The following PTPRD variants were observed in gnomAD, a reference collection of about 807,000 sequenced individuals.
The protein encoded by PTPRD is receptor-type tyrosine-protein phosphatase delta.
Under a neutral mutation model 214.5 loss-of-function variants are expected in PTPRD, and 34 were observed. That is an observed-to-expected ratio of 0.16 (90% confidence interval 0.12 to 0.21). PTPRD has a LOEUF of 0.21. Ranked by LOEUF, PTPRD falls within the 10% of genes least tolerant of loss-of-function variation. The pLI is 1.00. For synonymous variants in PTPRD, 1,128 were observed against 845.7 expected (o/e 1.33, Z -5.79); for missense variants, 2,545 against 2,398.7 (o/e 1.06, Z -1.27).
chr9:8,964,425 G>C (rs1390559700), intron 11 of PTPRD, among the ~76,000 whole-genome samples: 1 of 151,200 alleles, frequency 6.6e-6, no homozygotes, highest in Non-Finnish European at 1.5e-5. Context: ...GTTTCTGATT[G>C]TGCTTATTTA....
chr9:9,585,987 G>A (rs910882488), intron 7 of PTPRD, among the ~76,000 whole-genome samples: 2 of 152,002 alleles, frequency 1.3e-5, no homozygotes, highest in African/African-American at 4.8e-5. Context: ...GGTTAGTTCC[G>A]AGTTGGAAGC....
At chr9:10,424,591 G>A (rs1213079211) in intron 2 of PTPRD, among the ~76,000 whole-genome samples, 3 of 151,832 alleles carry the variant, frequency 2.0e-5, no homozygotes, top group South Asian at 2.1e-4. Flanking sequence ...CCTGTCTTAC[G>A]AAGGGCAAGT....
intron 3 of PTPRD, among the ~76,000 whole-genome samples, chr9:10,274,456 A>T (rs994786556): frequency 6.6e-6 from 1 of 152,170 alleles, no homozygotes; most frequent in Non-Finnish European, 1.5e-5. Flanking sequence ...AGTGCATATA[A>T]ATTCTTCGAG....
intron 26 of PTPRD, among the ~76,000 whole-genome samples, chr9:8,496,138 TA>T (rs2136513801): frequency 6.6e-6 from 1 of 150,906 alleles, no homozygotes; most frequent in Admixed American, 6.6e-5. Context: ...TGATCAACTT[TA>T]AAAAATATGT....
At chr9:10,040,211 C>T (rs956963655) in intron 3 of PTPRD, among the ~76,000 whole-genome samples, 2 of 151,966 alleles carry the variant, frequency 1.3e-5, no homozygotes, top group African/African-American at 4.8e-5. Context: ...AATGAATGTG[C>T]TGTTGACCAG....
At chr9:10,247,783 T>C (rs781661803) in intron 3 of PTPRD, among the ~76,000 whole-genome samples, 1 of 152,002 alleles carries the variant, frequency 6.6e-6, no homozygotes, top group Non-Finnish European at 1.5e-5. Flanking sequence ...ATGTCCCTGA[T>C]GGTAGAGAAA....
intron 11 of PTPRD, among the ~76,000 whole-genome samples, chr9:8,972,591 T>C (rs1328976268): frequency 6.6e-6 from 1 of 151,902 alleles, no homozygotes; most frequent in Non-Finnish European, 1.5e-5. Flanking sequence ...GAATATTTAT[T>C]GAGGACTGTT....
chr9:9,977,667 C>G (rs956529430), intron 4 of PTPRD, among the ~76,000 whole-genome samples: 3 of 151,968 alleles, frequency 2.0e-5, no homozygotes, highest in Non-Finnish European at 2.9e-5. Context: ...CATATCAATT[C>G]GCGTTTGATG....
chr9:9,810,221 G>A (rs751633825), intron 5 of PTPRD, among the ~76,000 whole-genome samples: 6 of 149,878 alleles, frequency 4.0e-5, no homozygotes, highest in Non-Finnish European at 7.4e-5. Context: ...TTTATTGTAA[G>A]AATATATACT....
intron 5 of PTPRD, among the ~76,000 whole-genome samples, chr9:9,768,547 C>A (rs10816177): frequency 0.049 from 7,519 of 152,018 alleles, 598 homozygotes; most frequent in East Asian, 0.37. Context: ...AATTTTACAT[C>A]AGAGAAATCA....
intron 12 of PTPRD, among the ~76,000 whole-genome samples, chr9:8,661,582 T>G (rs1447061799): frequency 6.6e-6 from 1 of 152,150 alleles, no homozygotes; most frequent in African/African-American, 2.4e-5. Context: ...TTTACAACAC[T>G]TGTTCCTTTT....
chr9:9,180,121 C>G (rs1246981598), intron 10 of PTPRD, among the ~76,000 whole-genome samples: 1 of 151,740 alleles, frequency 6.6e-6, no homozygotes, highest in Admixed American at 6.6e-5. Context: ...GATTAAAAAT[C>G]ATGCTGCTAT....
chr9:8,773,091 T>C (rs976919951), intron 11 of PTPRD, among the ~76,000 whole-genome samples: 3 of 152,112 alleles, frequency 2.0e-5, no homozygotes, highest in African/African-American at 7.2e-5. Flanking sequence ...CTTTCCTCTC[T>C]GGTGGGAGCA....
At position 8,934,431 on chromosome 9, in the gene PTPRD, A is replaced by ATATT. The variant is rs2098976488; in HGVS notation, c.-104+84265_-104+84266insAATA. ...TGTGTGTGTGTGTGTGTATATATAT[A>ATATT]TATAAATATATATATAAATTTATAT... is the stretch of plus-strand genomic sequence containing the variant. On this transcript the variant is annotated intron_variant, in intron 11 of 45. Transcript: ENST00000381196. 8.6e-5 allele frequency among the ~76,000 whole-genome samples: 4 copies of ATATT among 46,306 alleles called. 1 individual carries two copies. Among genetic ancestry groups the ATATT allele is most frequent in the Admixed American group, 6.2e-4 (2 of 3,236 alleles). 30.4% of individuals were successfully genotyped at this position (46,306 alleles called of 152,430 possible). A position where few individuals can be genotyped will look rare whatever the true frequency, so the allele number is the denominator to read the frequency against.
chr9:9,391,445 C>T (rs949418670), intron 9 of PTPRD, among the ~76,000 whole-genome samples: 2 of 152,080 alleles, frequency 1.3e-5, no homozygotes, highest in African/African-American at 4.8e-5. Context: ...CATGACATTA[C>T]CTTAAATTAG....
chr9:9,762,383 G>C (rs537193167), intron 6 of PTPRD, among the ~76,000 whole-genome samples: 1 of 152,108 alleles, frequency 6.6e-6, no homozygotes, highest in Non-Finnish European at 1.5e-5. Flanking sequence ...TTCAGAGTAC[G>C]CTTGCTTTTT....
chr9:9,820,196 G>A (rs533850825), intron 5 of PTPRD, among the ~76,000 whole-genome samples: 1 of 152,132 alleles, frequency 6.6e-6, no homozygotes, highest in African/African-American at 2.4e-5. Flanking sequence ...GGTGCATACG[G>A]TATCTCATTA....
At chr9:9,634,802 G>C (rs1055335621) in intron 7 of PTPRD, among the ~76,000 whole-genome samples, 3 of 152,214 alleles carry the variant, frequency 2.0e-5, no homozygotes, top group Admixed American at 1.3e-4. Flanking sequence ...ACATCCCACT[G>C]TGTTAATGGG....
chr9:9,168,148 G>A (rs62529517), intron 10 of PTPRD, among the ~76,000 whole-genome samples: 22,429 of 152,034 alleles, frequency 0.15, 2,126 homozygotes, highest in Admixed American at 0.25. Context: ...TTTTGTGTAC[G>A]GTTCTTTTCT....
Sources: allele counts gnomAD v4.1 joint callset (sites outside exome capture counted in the v4.1 genomes callset), GRCh38; gene constraint gnomAD v4.1.1; transcripts MANE v1.5; gene names NCBI Gene and HGNC (gene_info 2026-07-23, HGNC 2026-07-21).